TNNI3K: variants seen among roughly 807,000 people sequenced by gnomAD.
TNNI3K encodes TNNI3 interacting kinase.
TNNI3K carries 140 observed loss-of-function variants against 114.5 expected under a neutral mutation model. The observed-to-expected ratio is 1.22, with a 90% confidence interval of 1.07 to 1.41. The LOEUF is 1.41. Among genes scored for constraint, TNNI3K ranks in the 40% most tolerant of loss-of-function variants. TNNI3K has a pLI of 0.00. For missense variants in TNNI3K, 1,125 were observed against 1,007.6 expected (o/e 1.12, Z -1.58); for synonymous variants, 347 against 347.5 (o/e 1.00, Z 0.02).
intron 17 of TNNI3K, among the ~76,000 whole-genome samples, chr1:74,401,269 T>C (rs1218281068): frequency 6.6e-6 from 1 of 152,228 alleles, no homozygotes; most frequent in East Asian, 1.9e-4. Context: ...GCAATTCTGG[T>C]ACTTTGTACA....
chr1:74,361,491 G>T lies in TNNI3K; in HGVS notation c.1178-5765G>T, dbSNP rs138111164. ...TTTTCAACCCTCTCACTCATACCTA[G>T]TATCATTCATTCGTTCAACAAAAAT... On this transcript the variant is annotated intron_variant, in intron 11 of 24. Transcript: ENST00000326637. Among the ~76,000 whole-genome samples the T allele has an allele frequency of 3.2e-3, 482 of 152,020 alleles. 14 individuals are homozygous for T. In the East Asian group the frequency reaches 0.074, roughly 23 times the overall value.
intron 4 of TNNI3K, among the ~76,000 whole-genome samples, chr1:74,256,333 G>T (rs1341553281): frequency 1.8e-4 from 6 of 33,690 alleles, no homozygotes; most frequent in Middle Eastern, 0.053. Context: ...TCTATTGGAT[G>T]AATTTTAGTA....
intron 11 of TNNI3K, among the ~76,000 whole-genome samples, chr1:74,366,982 G>A (rs1662304967): frequency 6.6e-6 from 1 of 151,872 alleles, no homozygotes; most frequent in Non-Finnish European, 1.5e-5. Flanking sequence ...CAACTACATT[G>A]TAAGCTTCTT....
At chr1:74,451,572 A>T (rs1158746198) in intron 20 of TNNI3K, among the ~76,000 whole-genome samples, 1 of 151,042 alleles carries the variant, frequency 6.6e-6, no homozygotes, top group Non-Finnish European at 1.5e-5. Context: ...GTCATCTGTT[A>T]ATAAAGAATT....
At chr1:74,457,095 C>A (rs1023572458) in intron 20 of TNNI3K, among the ~76,000 whole-genome samples, 1 of 152,114 alleles carries the variant, frequency 6.6e-6, no homozygotes, top group South Asian at 2.1e-4. Context: ...TGTTCTTTGA[C>A]AAGCGGCAGG....
At chr1:74,252,831 A>C (rs1655020907) in intron 4 of TNNI3K, among the ~76,000 whole-genome samples, 1 of 152,204 alleles carries the variant, frequency 6.6e-6, no homozygotes, top group Admixed American at 6.5e-5. Flanking sequence ...AAGAGTGAGC[A>C]GTAGCAAGAT....
chr1:74,421,492 A>T (rs940379700), intron 17 of TNNI3K, among the ~76,000 whole-genome samples: 9 of 152,136 alleles, frequency 5.9e-5, no homozygotes, highest in Non-Finnish European at 1.2e-4. Flanking sequence ...AATTTGAGGT[A>T]ATTTTTTAAA....
chr1:74,464,608 T>C (rs1667588773), intron 21 of TNNI3K: 2 of 1,546,368 alleles, frequency 1.3e-6, no homozygotes, highest in Non-Finnish European at 1.7e-6. Flanking sequence ...GAAAAGAGAA[T>C]GCAAATTTTC....
chr1:74,470,589 T>C, intron 21 of TNNI3K: 1 of 400,724 alleles, frequency 2.5e-6, no homozygotes, highest in Non-Finnish European at 4.4e-6. Context: ...TGGATTGTGT[T>C]TGGGGAATGA....
chr1:74,524,864 A>G (rs1157636882), intron 23 of TNNI3K, among the ~76,000 whole-genome samples: 1 of 152,208 alleles, frequency 6.6e-6, no homozygotes, highest in Non-Finnish European at 1.5e-5. Flanking sequence ...ATGCCACTGC[A>G]GGGGTTTGGG....
intron 5 of TNNI3K, among the ~76,000 whole-genome samples, chr1:74,279,233 C>T (rs1394089682): frequency 1.3e-5 from 2 of 152,144 alleles, no homozygotes; most frequent in African/African-American, 2.4e-5. Context: ...CTACTCCAGA[C>T]GATTAATCCT....
chr1:74,282,533 G>T (rs1043430737), intron 5 of TNNI3K, among the ~76,000 whole-genome samples: 1 of 151,818 alleles, frequency 6.6e-6, no homozygotes, highest in African/African-American at 2.4e-5. Flanking sequence ...CTACCCTAAT[G>T]ACCTTATTTT....
chr1:74,297,510 A>AGTGTGTGTGC (rs1658060235), intron 5 of TNNI3K, among the ~76,000 whole-genome samples: 1 of 101,172 alleles, frequency 9.9e-6, no homozygotes, highest in Non-Finnish European at 2.0e-5. Context: ...CATCTTGTCC[A>AGTGTGTGTGC]GTGTGTGTGT....
intron 17 of TNNI3K, among the ~76,000 whole-genome samples, chr1:74,381,980 T>G (rs184138536): frequency 6.6e-6 from 1 of 152,320 alleles, no homozygotes; most frequent in East Asian, 1.9e-4. Context: ...GCAGAGGATG[T>G]GTATAGCACC....
chr1:74,252,781 C>G (rs1007276689), intron 4 of TNNI3K, among the ~76,000 whole-genome samples: 2 of 152,080 alleles, frequency 1.3e-5, no homozygotes, highest in Non-Finnish European at 2.9e-5. Flanking sequence ...TGCAGACCTT[C>G]GCGGTGAGTG....
chr1:74,411,023 A>G (rs1396706362), intron 17 of TNNI3K, among the ~76,000 whole-genome samples: 2 of 152,170 alleles, frequency 1.3e-5, no homozygotes, highest in Non-Finnish European at 2.9e-5. Context: ...TAAAGCATAC[A>G]TTGCATGCTA....
At chr1:74,530,458 C>T (rs1164853415) in intron 23 of TNNI3K, among the ~76,000 whole-genome samples, 13 of 152,066 alleles carry the variant, frequency 8.5e-5, no homozygotes, top group African/African-American at 3.1e-4. Flanking sequence ...TGTAAAGTAT[C>T]GAGTAGAGTC....
At chr1:74,506,036 C>A (rs543580121) in intron 23 of TNNI3K, among the ~76,000 whole-genome samples, 187 of 152,220 alleles carry the variant, frequency 1.2e-3, no homozygotes, top group Admixed American at 5.4e-3. Context: ...GCCAGCCCAG[C>A]CAGTGTTAAC....
chr1:74,322,461 CTTT>C (rs113272069), intron 5 of TNNI3K, among the ~76,000 whole-genome samples: 3 of 138,900 alleles, frequency 2.2e-5, no homozygotes, highest in African/African-American at 2.7e-5. Flanking sequence ...CTAATTCTAC[CTTT>C]TTTTTTTTTT....
Sources: gnomAD v4.1 joint callset for allele counts (sites outside exome capture counted in the v4.1 genomes callset) on GRCh38, gnomAD v4.1.1 for gene constraint, MANE v1.5 for transcripts, NCBI Gene and HGNC (gene_info 2026-07-23, HGNC 2026-07-21) for gene names.